Variants in BCAR3 observed in about 807,000 individuals in gnomAD.
The protein encoded by BCAR3 is breast cancer anti-estrogen resistance protein 3.
A neutral mutation model predicts 80.1 loss-of-function variants in BCAR3; 37 were observed. The ratio of observed to expected loss-of-function variants is 0.46; its 90% CI spans 0.36 to 0.61. The LOEUF (loss-of-function observed/expected upper bound fraction) is 0.61, where lower values mean the gene tolerates loss of function less well. Ranked by LOEUF, BCAR3 falls within the 20% of genes least tolerant of loss-of-function variation. BCAR3 has a pLI of 0.00. For synonymous variants in BCAR3, 389 were observed against 418.9 expected, an observed-to-expected ratio of 0.93 and a Z score of 0.87; for missense variants, 978 against 1,068.2, an observed-to-expected ratio of 0.92 and a Z score of 1.18.
chr1:93,581,651 A>G (rs1340902431), intron 7 of BCAR3, among the ~76,000 whole-genome samples: 1 of 152,086 alleles, frequency 6.6e-6, no homozygotes, highest in South Asian at 2.1e-4. Flanking sequence ...CAGGTGATCC[A>G]CCGCCTAGGC....
At chr1:93,695,480 G>A (rs1649355648) in intron 3 of BCAR3, among the ~76,000 whole-genome samples, 1 of 152,080 alleles carries the variant, frequency 6.6e-6, no homozygotes. Context: ...TGTTCTTGCT[G>A]CCATCCATCC....
At chr1:93,795,405 T>G (rs1271466093) in intron 2 of BCAR3, among the ~76,000 whole-genome samples, 1 of 107,810 alleles carries the variant, frequency 9.3e-6, no homozygotes, top group African/African-American at 4.8e-5. Flanking sequence ...TTTGATTCAT[T>G]TCATCTTCCA....
rs897365847 is a variant in BCAR3 at position 93,582,589 on chromosome 1, T to C, written c.1398A>G (p.Pro466=). Residue 466 remains proline, a synonymous_variant, in exon 7 of 12, where the codon CCA becomes CCG. Coordinates refer to ENST00000260502, the MANE Select transcript of BCAR3 (RefSeq NM_003567.4). ...ELLTAKQNEA[P]GPRNSGVNYL... ...AGTTGACGCCAGAGTTCCGGGGACCTGGCGCCTCATTCTGCTTGGCTGTGA... is the reference window on the plus strand; with the variant it reads ...AGTTGACGCCAGAGTTCCGGGGACCCGGCGCCTCATTCTGCTTGGCTGTGA... The C allele has an allele frequency of 6.2e-7, 1 of 1,613,638 alleles. No homozygotes were observed. Among genetic ancestry groups the C allele is most frequent in the Non-Finnish European group, 8.5e-7 (1 of 1,179,824 alleles).
At chr1:93,738,446 G>A (rs1455265217) in intron 2 of BCAR3, among the ~76,000 whole-genome samples, 1 of 152,242 alleles carries the variant, frequency 6.6e-6, no homozygotes, top group East Asian at 1.9e-4. Context: ...GCCGGTGATG[G>A]AGCTAAGCTT....
At chr1:93,676,783 G>A (rs947528518) in intron 1 of BCAR3, among the ~76,000 whole-genome samples, 1 of 152,202 alleles carries the variant, frequency 6.6e-6, no homozygotes, top group Non-Finnish European at 1.5e-5. Flanking sequence ...AGAACCTCGT[G>A]GGGAGGCCTG....
chr1:93,789,870 C>T (rs1270525690), intron 2 of BCAR3, among the ~76,000 whole-genome samples: 1 of 152,094 alleles, frequency 6.6e-6, no homozygotes, highest in African/African-American at 2.4e-5. Flanking sequence ...GGCAATGATC[C>T]ATTGCACAGT....
intron 3 of BCAR3, among the ~76,000 whole-genome samples, chr1:93,633,839 C>A (rs1675697565): frequency 6.6e-6 from 1 of 152,202 alleles, no homozygotes; most frequent in African/African-American, 2.4e-5. Context: ...GGGGCTTCAC[C>A]ATGTTGGCCA....
intron 2 of BCAR3, among the ~76,000 whole-genome samples, chr1:93,671,717 C>G (rs1475131639): frequency 2.0e-5 from 3 of 152,208 alleles, no homozygotes; most frequent in African/African-American, 4.8e-5. Flanking sequence ...CTTGGGTTCT[C>G]ATTCAGGCTG....
At chr1:93,676,232 G>A (rs967016337) in intron 1 of BCAR3, among the ~76,000 whole-genome samples, 2 of 152,206 alleles carry the variant, frequency 1.3e-5, no homozygotes, top group African/African-American at 2.4e-5. Flanking sequence ...GACTTGGGAC[G>A]TGGTTTGAAG....
At chr1:93,616,601 G>A (rs141189751) in intron 3 of BCAR3, among the ~76,000 whole-genome samples, 3,267 of 152,284 alleles carry the variant, frequency 0.021, 150 homozygotes, top group Admixed American at 0.12. Flanking sequence ...AACACAAATA[G>A]ATTTTTTAAT....
At chr1:93,663,448 C>T (rs940188436) in intron 2 of BCAR3, among the ~76,000 whole-genome samples, 6 of 152,190 alleles carry the variant, frequency 3.9e-5, no homozygotes, top group Admixed American at 2.6e-4. Context: ...GAAAGTGCCA[C>T]CTGCAGTCAG....
intron 2 of BCAR3, chr1:93,753,558 A>G (rs948366219): frequency 2.0e-4 from 28 of 141,824 alleles, no homozygotes; most frequent in African/African-American, 8.3e-4. Flanking sequence ...ACACACACAC[A>G]CACACACACA....
intron 2 of BCAR3, among the ~76,000 whole-genome samples, chr1:93,812,451 G>C (rs1426972901): frequency 1.3e-5 from 2 of 152,106 alleles, no homozygotes; most frequent in Non-Finnish European, 2.9e-5. Flanking sequence ...GCCAAATATG[G>C]TCCAAACTCC....
chr1:93,827,514 C>T (rs1654412628), intron 2 of BCAR3, among the ~76,000 whole-genome samples: 1 of 151,900 alleles, frequency 6.6e-6, no homozygotes, highest in South Asian at 2.1e-4. Context: ...CTTGGAGGAC[C>T]AAAGCATTTT....
At chr1:93,768,291 A>G (rs1338172844) in intron 2 of BCAR3, among the ~76,000 whole-genome samples, 2 of 144,070 alleles carry the variant, frequency 1.4e-5, no homozygotes, top group Non-Finnish European at 1.5e-5. Flanking sequence ...GTGTGTGTGT[A>G]CAACAGCCCA....
At chr1:93,747,753 T>G (rs1319405215) in intron 2 of BCAR3, among the ~76,000 whole-genome samples, 3 of 151,736 alleles carry the variant, frequency 2.0e-5, no homozygotes, top group African/African-American at 7.3e-5. Context: ...GCTTTGAGGA[T>G]AAAATCTAAA....
chr1:93,638,605 G>A (rs1675874477), intron 3 of BCAR3, among the ~76,000 whole-genome samples: 1 of 152,082 alleles, frequency 6.6e-6, no homozygotes, highest in Non-Finnish European at 1.5e-5. Flanking sequence ...TTTTATCTAG[G>A]GTAAGGTATG....
chr1:93,814,997 C>T (rs552952502), intron 2 of BCAR3, among the ~76,000 whole-genome samples: 1 of 152,238 alleles, frequency 6.6e-6, no homozygotes, highest in African/African-American at 2.4e-5. Flanking sequence ...TGCCTTCTTT[C>T]CTACTTTTAA....
chr1:93,742,538 C>T lies in BCAR3; in HGVS notation c.-62-36396G>A, dbSNP rs573355108. ...AACGTTCTCTCCGTTTGCCAGGTTC[C>T]ATTTTCTCTAATTGGCTTGCACACC... On this transcript the variant is annotated intron_variant, in intron 2 of 13. Transcript: ENST00000370244. Among the ~76,000 whole-genome samples, 11 of 152,318 alleles carry T rather than the reference C, an allele frequency of 7.2e-5. No homozygotes were observed. The South Asian group carries it at 2.3e-3, about 32-fold the overall frequency.
Sources: allele counts gnomAD v4.1 joint callset (sites outside exome capture counted in the v4.1 genomes callset), GRCh38; gene constraint gnomAD v4.1.1; transcripts MANE v1.5; gene names NCBI Gene and HGNC (gene_info 2026-07-23, HGNC 2026-07-21).